DYNC1I1: variants seen among roughly 807,000 people sequenced by gnomAD.
DYNC1I1 encodes dynein cytoplasmic 1 intermediate chain 1, also known as cytoplasmic dynein 1 intermediate chain 1.
DYNC1I1 carries 43 observed loss-of-function variants against 86.6 expected under a neutral mutation model. That is an observed-to-expected ratio of 0.50 (90% CI 0.39 to 0.64). The LOEUF is 0.64. DYNC1I1 is among the 30% of genes least tolerant of loss of function. The pLI is 0.00. For synonymous variants in DYNC1I1, 262 were observed against 283.7 expected, an observed-to-expected ratio of 0.92 and a Z score of 0.77; for missense variants, 604 against 788.8, an observed-to-expected ratio of 0.77 and a Z score of 2.81.
intron 5 of DYNC1I1, among the ~76,000 whole-genome samples, chr7:95,833,345 C>A (rs1184199008): frequency 6.6e-6 from 1 of 150,492 alleles, no homozygotes; most frequent in Non-Finnish European, 1.5e-5. Flanking sequence ...GTTTTGGTGC[C>A]AGTACCATGC....
intron 13 of DYNC1I1, among the ~76,000 whole-genome samples, chr7:96,038,693 T>C (rs185304725): frequency 5.3e-5 from 8 of 152,342 alleles, no homozygotes; most frequent in African/African-American, 1.9e-4. Flanking sequence ...AGAGAAAACA[T>C]TATTTTCTCC....
chr7:96,015,530 A>C (rs1436965887), intron 10 of DYNC1I1, among the ~76,000 whole-genome samples: 1 of 152,074 alleles, frequency 6.6e-6, no homozygotes, highest in Non-Finnish European at 1.5e-5. Flanking sequence ...ATCCCCCCCC[A>C]GAATTTTTAT....
chr7:95,931,124 T>C (rs1166960139), intron 6 of DYNC1I1, among the ~76,000 whole-genome samples: 1 of 152,234 alleles, frequency 6.6e-6, no homozygotes, highest in Non-Finnish European at 1.5e-5. Flanking sequence ...AATATGTTTT[T>C]AAGTATAGAA....
At chr7:96,000,340 A>C (rs2115784897) in intron 10 of DYNC1I1, among the ~76,000 whole-genome samples, 1 of 152,314 alleles carries the variant, frequency 6.6e-6, no homozygotes, top group East Asian at 1.9e-4. Flanking sequence ...GGATGGGAAA[A>C]CAGAAGAGGA....
chr7:95,994,110 G>T (rs556192790), intron 9 of DYNC1I1, among the ~76,000 whole-genome samples: 2 of 152,114 alleles, frequency 1.3e-5, no homozygotes, highest in Admixed American at 6.5e-5. Flanking sequence ...TATGTTTCTG[G>T]CATTTAAGCC....
intron 3 of DYNC1I1, 165 bp from the exon 4 acceptor site, chr7:95,813,082 C>A: frequency 7.2e-7 from 1 of 1,387,230 alleles, no homozygotes; most frequent in African/African-American, 1.6e-5. Flanking sequence ...GGACTTTTTT[C>A]CTTTTCTTTC....
At chr7:95,799,447 G>A (rs1434766449) in intron 1 of DYNC1I1, among the ~76,000 whole-genome samples, 1 of 152,058 alleles carries the variant, frequency 6.6e-6, no homozygotes, top group Non-Finnish European at 1.5e-5. Context: ...GACCTTCCCT[G>A]TAACTAACTT....
At chr7:96,060,329 C>T (rs902438541) in intron 14 of DYNC1I1, among the ~76,000 whole-genome samples, 8 of 152,114 alleles carry the variant, frequency 5.3e-5, no homozygotes, top group Admixed American at 3.3e-4. Context: ...GCCTGAAGTC[C>T]GACATACATG....
At chr7:95,808,424 C>T (rs893060286) in intron 2 of DYNC1I1, among the ~76,000 whole-genome samples, 1 of 152,086 alleles carries the variant, frequency 6.6e-6, no homozygotes, top group Non-Finnish European at 1.5e-5. Flanking sequence ...AATTACCACC[C>T]TTTGCTCTTT....
At position 96,032,163 on chromosome 7, in the gene DYNC1I1, T is replaced by G. The variant is rs149775225; in HGVS notation, c.1117-504T>G. 7.1e-3 allele frequency among the ~76,000 whole-genome samples: 1,086 copies of G among 152,308 alleles called. 11 individuals carry two copies. The highest frequency in any genetic ancestry group is 0.025 in the African/African-American group (1,025 of 41,556). ...TATCTCTCCCCCAGATTAAAATGGT[T>G]ATGAATATTAACCACTTTTTATAAA... On this transcript the variant is annotated intron_variant, in intron 11 of 16. Transcript: ENST00000447467.
chr7:96,041,956 A>G (rs1278601111), intron 14 of DYNC1I1, among the ~76,000 whole-genome samples: 3 of 152,210 alleles, frequency 2.0e-5, no homozygotes, highest in Non-Finnish European at 4.4e-5. Context: ...ATTTAAAGTA[A>G]CATGAATCAA....
chr7:96,108,751 A>T (rs976643517), intron 16 of DYNC1I1, among the ~76,000 whole-genome samples: 4 of 151,450 alleles, frequency 2.6e-5, no homozygotes, highest in African/African-American at 7.3e-5. Context: ...AATCCCAGCT[A>T]CTCGGGAGGC....
Position 95,968,822 on chromosome 7 carries a change from C to CTG in DYNC1I1, c.491-8689_491-8688insGT, listed in dbSNP as rs1491236339. 5.7e-3 allele frequency among the ~76,000 whole-genome samples: 764 copies of CTG among 133,626 alleles called. 18 individuals carry two copies. The East Asian group carries it at 0.066, about 11-fold the overall frequency. The allele number at this position is 133,626 out of a possible 152,430, so 87.7% of individuals were successfully genotyped here. ...ATCTTCAATTGTTCTGAATTTTTTG[C>CTG]TCTGTGTGTGTGTGTGTGTGTGTGT... On this transcript the variant is annotated intron_variant, in intron 6 of 16. Transcript: ENST00000447467.
At chr7:95,963,901 T>G (rs1392517777) in intron 6 of DYNC1I1, among the ~76,000 whole-genome samples, 2 of 152,198 alleles carry the variant, frequency 1.3e-5, no homozygotes, top group African/African-American at 4.8e-5. Context: ...TCCAAGTAAC[T>G]GGAAAATCAG....
intron 6 of DYNC1I1, among the ~76,000 whole-genome samples, chr7:95,871,097 T>G (rs947708534): frequency 6.6e-6 from 1 of 152,218 alleles, no homozygotes; most frequent in Non-Finnish European, 1.5e-5. Flanking sequence ...TTTTCAGTTT[T>G]GGTTCTAAAT....
chr7:95,799,990 G>A (rs2115769556), intron 1 of DYNC1I1, among the ~76,000 whole-genome samples: 1 of 150,836 alleles, frequency 6.6e-6, no homozygotes, highest in East Asian at 1.9e-4. Flanking sequence ...CTTTTCTTGG[G>A]TATTTAGTAT....
chr7:95,909,243 T>TTG lies in DYNC1I1; in HGVS notation c.490+39245_490+39246insTG, dbSNP rs1269840089. On this transcript the variant is annotated intron_variant, in intron 6 of 16. Coordinates refer to ENST00000447467, the MANE Select transcript of DYNC1I1 (RefSeq NM_001135556.2). ...AGAAACTTGGAGGGTGGGAGGGGGG[T>TTG]GGGGGGGGGGGGCGGGGCGGGAAGG... 2.5e-3 allele frequency among the ~76,000 whole-genome samples: 102 copies of TTG among 40,376 alleles called. 1 individual carries two copies. The highest frequency in any genetic ancestry group is 0.01 in the African/African-American group (93 of 9,202). 26.5% of individuals were successfully genotyped at this position (40,376 alleles called of 152,430 possible). A position where few individuals can be genotyped will look rare whatever the true frequency, so the allele number is the denominator to read the frequency against.
chr7:95,859,844 G>T (rs1344741856), intron 5 of DYNC1I1, among the ~76,000 whole-genome samples: 4 of 152,312 alleles, frequency 2.6e-5, no homozygotes, highest in South Asian at 2.1e-4. Context: ...CCTGGTGCTG[G>T]ATTTTACTTT....
chr7:95,777,629 G>A (rs1277462176), intron 1 of DYNC1I1, among the ~76,000 whole-genome samples: 2 of 152,098 alleles, frequency 1.3e-5, no homozygotes, highest in African/African-American at 2.4e-5. Flanking sequence ...TGATCGCATA[G>A]AACAACCCAC....
Sources: gnomAD v4.1 joint callset for allele counts (sites outside exome capture counted in the v4.1 genomes callset) on GRCh38, gnomAD v4.1.1 for gene constraint, MANE v1.5 for transcripts, NCBI Gene and HGNC (gene_info 2026-07-23, HGNC 2026-07-21) for gene names.